OR6K3: variants seen among roughly 807,000 people sequenced by gnomAD.
OR6K3 encodes the protein olfactory receptor 6K3.
For missense variants in OR6K3, 396 were observed against 382.5 expected, an observed-to-expected ratio of 1.04 and a Z score of -0.29; for synonymous variants, 169 against 137.7, an observed-to-expected ratio of 1.23 and a Z score of -1.59.
rs767024055 is a variant in OR6K3 at position 158,717,782 on chromosome 1, C to G, written c.334G>C (p.Gly112Arg). 12 of 1,613,614 alleles carry G rather than the reference C, an allele frequency of 7.4e-6. No homozygotes were observed. Among genetic ancestry groups the G allele is most frequent in the Non-Finnish European group, 1.0e-5 (12 of 1,179,818 alleles). ...ATGGCCATGGTGGTCAGCAAGATCC[C>G]CTCTGAGTTTTCAAGTGAGTGGAAG... ...YFFHSLENSE[G>R]ILLTTMAIDR... The change falls in exon 2 of 2, where the codon GGG becomes CGG. Residue 112 changes from glycine to arginine, a missense_variant. By Grantham distance (125) the Gly-to-Arg change is moderately radical (BLOSUM62 -2). Transcript: ENST00000368145.
At chr1:158,722,552 T>G (rs1013789246), upstream of OR6K3, among the ~76,000 whole-genome samples, 1 of 152,010 alleles carries the variant, frequency 6.6e-6, no homozygotes, top group Non-Finnish European at 1.5e-5. Flanking sequence ...TTTCTGTTTT[T>G]CCAAGCTTTA....
chr1:158,719,141 C>G (rs1269648749), intron 1 of OR6K3, among the ~76,000 whole-genome samples: 2 of 151,906 alleles, frequency 1.3e-5, no homozygotes, highest in Admixed American at 6.6e-5. Context: ...AGGGACGTGA[C>G]GCCCAGATAG....
intron 1 of OR6K3, among the ~76,000 whole-genome samples, chr1:158,718,985 C>T (rs1444416084): frequency 2.6e-5 from 4 of 151,998 alleles, no homozygotes; most frequent in Admixed American, 6.6e-5. Context: ...TGCTTCCTCC[C>T]GAGCATTATG....
At chr1:158,720,596 T>C (rs1395792165) in intron 1 of OR6K3, 87 bp downstream of exon 1, 2 of 147,722 alleles carry the variant, frequency 1.4e-5, no homozygotes. Context: ...AATAATCAGG[T>C]CTTCAGGTTA....
chr1:158,718,166 G>A (rs1286497812), intron 1 of OR6K3, 34 bp from the exon 2 acceptor site: 2 of 1,094,124 alleles, frequency 1.8e-6, no homozygotes, highest in South Asian at 2.9e-5. Flanking sequence ...CAGCACATGA[G>A]AGGGTAGAGA....
intron 1 of OR6K3, among the ~76,000 whole-genome samples, chr1:158,719,100 T>C (rs1434505405): frequency 6.6e-6 from 1 of 152,056 alleles, no homozygotes; most frequent in Admixed American, 6.6e-5. Context: ...GCTTGAGACT[T>C]TGTTCCTCTG....
chr1:158,718,622 G>A (rs1428829985), intron 1 of OR6K3, among the ~76,000 whole-genome samples: 2 of 150,468 alleles, frequency 1.3e-5, no homozygotes, highest in Non-Finnish European at 3.0e-5. Flanking sequence ...TAAAAAGTAT[G>A]AATACGAATA....
At chr1:158,724,003 A>G (rs431919), upstream of OR6K3, 86,175 of 151,864 alleles carry the variant, frequency 0.57, 24,680 homozygotes, top group Non-Finnish European at 0.61. Flanking sequence ...GGGAAGAACC[A>G]GTATAAAGAG....
At chr1:158,725,010 G>T (rs1336342430), upstream of OR6K3, 2 of 152,892 alleles carry the variant, frequency 1.3e-5, no homozygotes, top group Non-Finnish European at 2.9e-5. Flanking sequence ...CAAACTGTGG[G>T]AATCCAGAGA....
chr1:158,717,791 T>G lies in OR6K3; in HGVS notation c.325A>C (p.Asn109His). 1 of 1,613,686 alleles carries G rather than the reference T, an allele frequency of 6.2e-7. No homozygotes were observed. Among genetic ancestry groups the G allele is most frequent in the South Asian group, 1.1e-5 (1 of 91,056 alleles). Residue 109 changes from asparagine to histidine, a missense_variant, in exon 2 of 2, where the codon AAC (asparagine) becomes CAC (histidine). By Grantham distance (68) the Asn-to-His change is moderately conservative (BLOSUM62 1). Coordinates refer to ENST00000368145, the MANE Select transcript of OR6K3 (RefSeq NM_001005327.3). ...GTGGTCAGCAAGATCCCCTCTGAGT[T>G]TTCAAGTGAGTGGAAGAAATACATC... ...LQMYFFHSLE[N>H]SEGILLTTMA...
chr1:158,721,820 G>T (rs1656288572), upstream of OR6K3, among the ~76,000 whole-genome samples: 1 of 151,212 alleles, frequency 6.6e-6, no homozygotes, highest in South Asian at 2.1e-4. Context: ...TCTAAATTCT[G>T]GGACATATCT....
At chr1:158,722,681 C>A (rs937641268), upstream of OR6K3, among the ~76,000 whole-genome samples, 3 of 152,032 alleles carry the variant, frequency 2.0e-5, no homozygotes, top group African/African-American at 7.2e-5. Flanking sequence ...ATCTCATGTA[C>A]TCATACCTGA....
At chr1:158,718,171 T>G (rs1656212940) in intron 1 of OR6K3, 39 bp from the exon 2 acceptor site, 1 of 1,059,518 alleles carries the variant, frequency 9.4e-7, no homozygotes, top group Non-Finnish European at 1.4e-6. Flanking sequence ...CATGAGAGGG[T>G]AGAGAAAAAA....
Position 158,717,463 on chromosome 1 carries a change from A to G in OR6K3, c.653T>C (p.Val218Ala), listed in dbSNP as rs1432562466. 5 of 1,613,720 alleles carry G rather than the reference A, an allele frequency of 3.1e-6. No individual in the cohort carries two copies. The highest frequency in any genetic ancestry group is 4.2e-6 in the Non-Finnish European group (5 of 1,179,758). Residue 218 changes from valine to alanine, a missense_variant, in exon 2 of 2, where the codon GTA (valine) becomes GCA (alanine). Coordinates refer to ENST00000368145, the MANE Select transcript of OR6K3 (RefSeq NM_001005327.3). ...CCTCAATATCACAGTGACAATTCTT[A>G]CATAGGACAGGGCAATGATTAGGAA... is the stretch of plus-strand genomic sequence containing the variant. ...ITFLIIALSY[V>A]RIVTVILRIP...
chr1:158,719,391 T>C (rs1656240969), intron 1 of OR6K3, among the ~76,000 whole-genome samples: 1 of 151,968 alleles, frequency 6.6e-6, no homozygotes. Flanking sequence ...TAAATGTTTT[T>C]CTCTAACCAA....
chr1:158,718,607 A>T (rs1228283637), intron 1 of OR6K3, among the ~76,000 whole-genome samples: 2 of 151,958 alleles, frequency 1.3e-5, no homozygotes, highest in Admixed American at 1.3e-4. Context: ...AATAAATTTT[A>T]AAATTAAAAA....
Position 158,717,396 on chromosome 1 carries a change from A to C in OR6K3, c.720T>G (p.Cys240Trp), listed in dbSNP as rs1347251982. The change falls in exon 2 of 2, where the codon TGT becomes TGG. Residue 240 changes from cysteine to tryptophan, a missense_variant. Physicochemically the swap from Cys to Trp is radical, Grantham distance 215. Coordinates refer to ENST00000368145, the MANE Select transcript of OR6K3 (RefSeq NM_001005327.3). ...TCGGGAAGACCATGAGGTGGCCTGC[A>C]CAGGTAGAAAAAGCCTTTTGCCTCC... ...SEGRQKAFST[C>W]AGHLMVFPIF... 3 of 1,613,614 alleles carry C rather than the reference A, an allele frequency of 1.9e-6. No homozygotes were observed. The highest frequency in any genetic ancestry group is 1.7e-6 in the Non-Finnish European group (2 of 1,179,784).
chr1:158,718,110 C>T lies in OR6K3; in HGVS notation c.6G>A (p.Glu2=). ...CAGTCACTGTTGATTGGTTTCCGCT[C>T]TCCATATTTCTAGTAGAGCTACCTG... M[E]SGNQSTVTEF... is the part of the protein sequence containing the mutation. The change falls in exon 2 of 2, where the codon GAG becomes GAA. Residue 2 remains glutamate (E), a synonymous_variant. Coordinates refer to ENST00000368145, the MANE Select transcript of OR6K3 (RefSeq NM_001005327.3). The T allele has an allele frequency of 3.7e-6, 6 of 1,601,260 alleles. No individual in the cohort carries two copies. The highest frequency in any genetic ancestry group is 5.1e-6 in the Non-Finnish European group (6 of 1,171,384).
At chr1:158,718,479 T>C in intron 1 of OR6K3, among the ~76,000 whole-genome samples, 1 of 151,396 alleles carries the variant, frequency 6.6e-6, no homozygotes, top group Non-Finnish European at 1.5e-5. Flanking sequence ...ATAAAAAAAC[T>C]AGTTAAAATT....
Sources: gnomAD v4.1 joint callset for allele counts (sites outside exome capture counted in the v4.1 genomes callset) on GRCh38, gnomAD v4.1.1 for gene constraint, MANE v1.5 for transcripts, NCBI Gene and HGNC (gene_info 2026-07-23, HGNC 2026-07-21) for gene names.